The following RTL4 variants were observed in gnomAD, a reference collection of about 807,000 sequenced individuals.
RTL4 encodes the protein retrotransposon Gag-like protein 4.
RTL4 carries 4 observed loss-of-function variants against 5.3 expected under a neutral mutation model. The ratio of observed to expected loss-of-function variants is 0.75; its 90% CI spans 0.37 to 1.72. The LOEUF (loss-of-function observed/expected upper bound fraction) is 1.72, where lower values mean the gene tolerates loss of function less well. Among genes scored for constraint, RTL4 ranks in the 40% most tolerant of loss-of-function variants. The pLI, the probability that RTL4 is intolerant of heterozygous loss-of-function variation, is 0.04. For synonymous variants in RTL4, 98 were observed against 87.3 expected (o/e 1.12, Z -0.68); for missense variants, 260 against 227.1 (o/e 1.14, Z -0.93).
At chrX:112,192,688 G>A in the RTL4 span, among the ~76,000 whole-genome samples, 2 of 110,457 alleles carry the variant, frequency 1.8e-5, no homozygotes, top group African/African-American at 6.6e-5. Context: ...TGTTGTTTTT[G>A]TCACAAATGA....
At chrX:112,127,706 A>G in the RTL4 span, among the ~76,000 whole-genome samples, 1 of 112,247 alleles carries the variant, frequency 8.9e-6, no homozygotes, top group Non-Finnish European at 1.9e-5. Flanking sequence ...TGCTAGAACT[A>G]ATAAACTAAT....
At position 112,455,630 on chromosome X, in the gene RTL4, C is replaced by T. The variant is rs1259843639; in HGVS notation, c.902C>T (p.Pro301Leu). The T allele has an allele frequency of 3.3e-6, 4 of 1,207,562 alleles. No individual in the cohort carries two copies. The highest frequency in any genetic ancestry group is 2.2e-5 in the Admixed American group (1 of 45,552). The change falls in exon 1 of 1, where the codon CCG (proline) becomes CTG (leucine). Residue 301 changes from proline (P) to leucine (L), a missense_variant. Physicochemically the swap from Pro to Leu is moderately conservative, Grantham distance 98. Coordinates refer to ENST00000340433, the Ensembl canonical transcript of RTL4. ...TGCCTTGCCAAACGTTCTCGAGCTC[C>T]GGCAACGACAAATAACACAGCTCAC...
the RTL4 span, among the ~76,000 whole-genome samples, chrX:112,369,406 C>T: frequency 9.0e-6 from 1 of 111,358 alleles, no homozygotes; most frequent in Non-Finnish European, 1.9e-5. Context: ...GAATTCAACC[C>T]CAGGCCATCT....
At chrX:112,095,275 T>C in the RTL4 span, among the ~76,000 whole-genome samples, 1 of 111,163 alleles carries the variant, frequency 9.0e-6, no homozygotes. Flanking sequence ...AGATCATTTA[T>C]TGAGGGAGGG....
the RTL4 span, among the ~76,000 whole-genome samples, chrX:112,253,281 G>GTT: frequency 0.24 from 26,697 of 110,403 alleles, 3,113 homozygotes; most frequent in African/African-American, 0.46. Flanking sequence ...ATTGCAAGCT[G>GTT]TTCACTGTTT....
upstream of RTL4, among the ~76,000 whole-genome samples, chrX:112,451,170 C>T (rs1864090162): frequency 8.9e-6 from 1 of 111,766 alleles, no homozygotes; most frequent in Non-Finnish European, 1.9e-5. Flanking sequence ...TAACAGCTTG[C>T]GGACCTACAA....
chrX:112,235,374 T>G, the RTL4 span, among the ~76,000 whole-genome samples: 66 of 111,900 alleles, frequency 5.9e-4, no homozygotes, highest in Non-Finnish European at 9.6e-4. Context: ...GTTGTGATGT[T>G]CTGTGCTGCC....
the RTL4 span, among the ~76,000 whole-genome samples, chrX:112,324,921 A>G: frequency 9.0e-6 from 1 of 111,463 alleles, no homozygotes; most frequent in Non-Finnish European, 1.9e-5. Context: ...TCTTCTGTCT[A>G]GTGGTTCTAT....
chrX:112,279,389 C>A, the RTL4 span, among the ~76,000 whole-genome samples: 89 of 110,992 alleles, frequency 8.0e-4, no homozygotes, highest in African/African-American at 2.8e-3. Flanking sequence ...AACAGAGAAA[C>A]AAGAAAACAA....
the RTL4 span, among the ~76,000 whole-genome samples, chrX:112,238,301 T>C: frequency 1.8e-5 from 2 of 112,237 alleles, no homozygotes; most frequent in Non-Finnish European, 3.8e-5. Flanking sequence ...ATGATCTTTA[T>C]ATTTATATAG....
chrX:112,422,473 G>A, the RTL4 span, among the ~76,000 whole-genome samples: 1 of 98,889 alleles, frequency 1.0e-5, no homozygotes, highest in African/African-American at 3.6e-5. Context: ...AATAATCACT[G>A]TGTCTGTAGT....
At chrX:112,104,323 A>G in the RTL4 span, among the ~76,000 whole-genome samples, 10 of 112,452 alleles carry the variant, frequency 8.9e-5, no homozygotes, top group East Asian at 2.5e-3. Context: ...GGTTGATTCC[A>G]TATTTTAGCT....
At chrX:112,085,095 G>T in the RTL4 span, among the ~76,000 whole-genome samples, 1 of 112,511 alleles carries the variant, frequency 8.9e-6, no homozygotes, top group Non-Finnish European at 1.9e-5. Flanking sequence ...CCCAAGCTTT[G>T]TCTAGGTTGC....
the RTL4 span, among the ~76,000 whole-genome samples, chrX:112,232,371 G>A: frequency 8.9e-6 from 1 of 112,436 alleles, no homozygotes. Context: ...AGAATAAGAT[G>A]TTGTGAGAAC....
At chrX:112,202,085 G>A in the RTL4 span, among the ~76,000 whole-genome samples, 1 of 110,567 alleles carries the variant, frequency 9.0e-6, no homozygotes, top group East Asian at 2.8e-4. Context: ...TGACTACAAG[G>A]ATCCTCTGTG....
At chrX:112,157,407 T>G in the RTL4 span, among the ~76,000 whole-genome samples, 3 of 110,979 alleles carry the variant, frequency 2.7e-5, no homozygotes, top group African/African-American at 9.8e-5. Context: ...GGGCGGAAGC[T>G]GAAAGAAAGA....
At chrX:112,100,768 C>T in the RTL4 span, among the ~76,000 whole-genome samples, 17 of 111,720 alleles carry the variant, frequency 1.5e-4, no homozygotes, top group African/African-American at 5.2e-4. Context: ...AGGAGCTACC[C>T]TCACCACACA....
chrX:112,142,744 G>C, the RTL4 span, among the ~76,000 whole-genome samples: 2 of 112,308 alleles, frequency 1.8e-5, no homozygotes, highest in Admixed American at 1.9e-4. Flanking sequence ...AGTATTTCTT[G>C]TTTAAGCTGA....
At chrX:112,451,148 AAC>A (rs1926728105), upstream of RTL4, among the ~76,000 whole-genome samples, 1 of 111,969 alleles carries the variant, frequency 8.9e-6, no homozygotes, top group South Asian at 3.7e-4. Flanking sequence ...TAAATTCTAA[AAC>A]ACAGTCAGAT....
Sources: allele counts gnomAD v4.1 joint callset (sites outside exome capture counted in the v4.1 genomes callset), GRCh38; gene constraint gnomAD v4.1.1; transcripts MANE v1.5; gene names NCBI Gene and HGNC (gene_info 2026-07-23, HGNC 2026-07-21).